SV2A: variants seen among roughly 807,000 people sequenced by gnomAD.
The protein encoded by SV2A is synaptic vesicle glycoprotein 2A, also known as solute carrier family 22 member B1.
In SV2A, 25 loss-of-function variants were observed where a neutral mutation model predicts 78.0. That is an observed-to-expected ratio of 0.32 (90% CI 0.23 to 0.45). The LOEUF (loss-of-function observed/expected upper bound fraction) is 0.45. Ranked by LOEUF, SV2A falls within the 20% of genes least tolerant of loss-of-function variation. The probability of loss-of-function intolerance (pLI) is 1.00; values close to 1 mark genes in which losing one functional copy is unlikely to be tolerated. For missense variants in SV2A, 752 were observed against 971.5 expected (o/e 0.77, Z 3.00); for synonymous variants, 355 against 384.7 (o/e 0.92, Z 0.90).
rs1280645555 is a variant in SV2A at position 149,910,062 on chromosome 1, G to C, written c.1090-172C>G. ...GGCATGCACTCACCACTCTGAAAGA[G>C]CCCCAAGCTGAGGTATAGCAAGACA... On this transcript the variant is annotated intron_variant, in intron 5 of 12. Coordinates refer to ENST00000369146, the MANE Select transcript of SV2A (RefSeq NM_014849.5). This position sits in a 1 kb window ranked among gnomAD's most constrained non-coding sequence, Gnocchi z 4.2. 6.6e-6 allele frequency among the ~76,000 whole-genome samples: 1 copy of C among 152,130 alleles called. No homozygotes were observed. The highest frequency in any genetic ancestry group is 1.9e-4 in the East Asian group (1 of 5,184).
In SV2A at chr1:149,913,241, G is replaced by A. The variant is rs782321964; in HGVS notation, c.600C>T (p.Ser200=). ...TACCTAGCATGCCTTTGTTGGAGTC[G>A]GACAGGCACATGTCTTTCTCAGCGC... is the stretch of plus-strand genomic sequence containing the variant. ...LPSAEKDMCL[S]DSNKGMLGLI... is the part of the protein sequence containing the mutation. Residue 200 remains serine (S), a synonymous_variant, in exon 2 of 13, where the codon TCC becomes TCT. Coordinates refer to ENST00000369146, the MANE Select transcript of SV2A (RefSeq NM_014849.5). The A allele has an allele frequency of 6.2e-6, 10 of 1,613,706 alleles. No homozygotes were observed. The highest frequency in any genetic ancestry group is 3.3e-5 in the South Asian group (3 of 91,080).
In SV2A at chr1:149,908,086, C is replaced by A. The variant is rs782318663; in HGVS notation, c.1500G>T (p.Thr500=). ...ERVEHVTFNF[T]LENQIHRGGQ... ...CGCCTCGGTGGATCTGATTCTCCAA[C>A]GTGAAGTTAAAAGTTACATGCTCTA... The change falls in exon 9 of 13, where the codon ACG becomes ACT. Residue 500 remains threonine (T), a synonymous_variant. Transcript: ENST00000369146. 2.5e-6 allele frequency: 4 copies of A among 1,614,116 alleles called. No homozygotes were observed. Among genetic ancestry groups the A allele is most frequent in the South Asian group, 2.2e-5 (2 of 91,082 alleles).
chr1:149,909,675 G>T, intron 6 of SV2A, 104 bp from the exon 7 acceptor site: 1 of 1,429,598 alleles, frequency 7.0e-7, no homozygotes, highest in Non-Finnish European at 9.8e-7. Context: ...GCAGGAGGTG[G>T]ATATGATACC....
intron 10 of SV2A, 196 bp from the exon 11 acceptor site, chr1:149,907,052 T>C (rs2092443187): frequency 1.1e-6 from 1 of 916,658 alleles, no homozygotes; most frequent in Non-Finnish European, 1.3e-6. Context: ...ATGACCATCA[T>C]CTGTCCAACA....
At chr1:149,907,856 GAC>G (rs2092448694) in intron 9 of SV2A, 23 bp from the exon 10 acceptor site, 4 of 1,610,914 alleles carry the variant, frequency 2.5e-6, no homozygotes. Context: ...GATGGTGAAA[GAC>G]ACTCCCCCGT....
rs2092490812 is a variant in SV2A at position 149,913,568 on chromosome 1, A to G, written c.273T>C (p.Asp91=). The G allele has an allele frequency of 6.2e-7, 1 of 1,613,470 alleles. No individual in the cohort carries two copies. The highest frequency in any genetic ancestry group is 1.3e-5 in the African/African-American group (1 of 74,698). ...CCTGATATTCCCCTTCATAGATCTC[A>G]TCATCCTCGTCATGGCCCTCAGTAG... is the stretch of plus-strand genomic sequence containing the variant. ...SDATEGHDED[D]EIYEGEYQGI... is the part of the protein sequence containing the mutation. The change falls in exon 2 of 13, where the codon GAT becomes GAC. Residue 91 remains aspartate, a synonymous_variant. Transcript: ENST00000369146.
Position 149,903,509 on chromosome 1 carries a change from T to C in SV2A, c.*1505A>G, listed in dbSNP as rs1450712106. 1 of 152,272 alleles carries C rather than the reference T, an allele frequency of 6.6e-6. No homozygotes were observed. Among genetic ancestry groups the C allele is most frequent in the Non-Finnish European group, 1.5e-5 (1 of 68,166 alleles). The allele number at this position is 152,272 out of a possible 1,614,324, so 9.4% of individuals were successfully genotyped here. A position where few individuals can be genotyped will look rare whatever the true frequency, so the allele number is the denominator to read the frequency against. On this transcript the variant is annotated 3_prime_UTR_variant, in exon 13 of 13. Transcript: ENST00000369146. ...AGGGACAAGGGCACAGGGCACACAC[T>C]CATACACTGGGCACTGGAGAAGGCA...
intron 1 of SV2A, among the ~76,000 whole-genome samples, chr1:149,914,960 G>T (rs1044944555): frequency 1.3e-5 from 2 of 152,150 alleles, no homozygotes; most frequent in Non-Finnish European, 2.9e-5. Flanking sequence ...GTCCCCAGAT[G>T]AAAGCTATCT....
Position 149,909,825 on chromosome 1 carries a change from T to G in SV2A, c.1155A>C (p.Lys385Asn). The change falls in exon 6 of 13, where the codon AAA becomes AAC. Residue 385 changes from lysine to asparagine, a missense_variant. Physicochemically the swap from Lys to Asn is moderately conservative, Grantham distance 94. This residue lies in a region of SV2A where 136 missense variants were observed against 132.3 expected (regional missense o/e 1.03). Coordinates refer to ENST00000369146, the MANE Select transcript of SV2A (RefSeq NM_014849.5). ...CTGAGAACACTCGCTCAGGATGTCCTTTGGCTCGCATGTTGGTATCATGGA... is the reference window on the plus strand; with the variant it reads ...CTGAGAACACTCGCTCAGGATGTCCGTTGGCTCGCATGTTGGTATCATGGA... ...KQVHDTNMRA[K>N]GHPERVFSVT... 6.2e-7 allele frequency: 1 copy of G among 1,614,088 alleles called. No homozygotes were observed. Among genetic ancestry groups the G allele is most frequent in the Non-Finnish European group, 8.5e-7 (1 of 1,180,018 alleles).
At chr1:149,908,971 G>A (rs1378724157) in intron 8 of SV2A, among the ~76,000 whole-genome samples, 2 of 152,232 alleles carry the variant, frequency 1.3e-5, no homozygotes, top group East Asian at 3.9e-4. Context: ...GACCACATCT[G>A]TTTCATCCCA....
chr1:149,907,807 A>G lies in SV2A; in HGVS notation c.1571T>C (p.Val524Ala), dbSNP rs782054006. 2 of 1,614,046 alleles carry G rather than the reference A, an allele frequency of 1.2e-6. No individual in the cohort carries two copies. The highest frequency in any genetic ancestry group is 1.7e-6 in the Non-Finnish European group (2 of 1,180,038). Residue 524 changes from valine to alanine, a missense_variant, in exon 10 of 13, where the codon GTG becomes GCG. Physicochemically the swap from Val to Ala is moderately conservative, Grantham distance 64. Coordinates refer to ENST00000369146, the MANE Select transcript of SV2A (RefSeq NM_014849.5). ...TTCAAACAGGGAATCCTCAAAGGAC[A>G]CTGACTTGAGCCGCAGCCCAATGAA... ...DKFIGLRLKS[V>A]SFEDSLFEEC...
chr1:149,912,420 A>C (rs1387488281), intron 2 of SV2A, among the ~76,000 whole-genome samples: 1 of 152,162 alleles, frequency 6.6e-6, no homozygotes, highest in Non-Finnish European at 1.5e-5. Flanking sequence ...TCATCTTCCC[A>C]GGAAATCTCC....
chr1:149,906,390 G>A (rs1553762762), intron 11 of SV2A, among the ~76,000 whole-genome samples: 1 of 152,104 alleles, frequency 6.6e-6, no homozygotes, highest in Non-Finnish European at 1.5e-5. Context: ...AGAGGCCAGA[G>A]GCAGGTGGTG....
At position 149,906,795 on chromosome 1, in the gene SV2A, C is replaced by T. The variant is rs267598001; in HGVS notation, c.1740G>A (p.Lys580=). 6.2e-7 allele frequency: 1 copy of T among 1,614,206 alleles called. No individual in the cohort carries two copies. The highest frequency in any genetic ancestry group is 2.2e-5 in the East Asian group (1 of 44,888). Residue 580 remains lysine, a synonymous_variant, in exon 11 of 13, where the codon AAG becomes AAA. Transcript: ENST00000369146. The part of the protein sequence containing the change: ...RLINSTFLHN[K]EGCPLDVTGT... Reference sequence around the variant, plus strand: ...CTGTCACGTCTAGCGGGCAGCCCTCCTTGTTGTGCAGGAATGTACTGTTTA... The same window carrying T: ...CTGTCACGTCTAGCGGGCAGCCCTCTTTGTTGTGCAGGAATGTACTGTTTA...
At position 149,903,622 on chromosome 1, in the gene SV2A, A is replaced by G. The variant is rs998170803; in HGVS notation, c.*1392T>C. 3 of 152,242 alleles carry G rather than the reference A, an allele frequency of 2.0e-5. No homozygotes were observed. The highest frequency in any genetic ancestry group is 7.2e-5 in the African/African-American group (3 of 41,448). The allele number at this position is 152,242 out of a possible 1,614,324, so 9.4% of individuals were successfully genotyped here. The stretch of plus-strand genomic sequence containing the variant: ...GGGAGAGTGACCACAGGGTTGGGGC[A>G]CTGGACGCAGCATGACGAAGGTGAA... On this transcript the variant is annotated 3_prime_UTR_variant, in exon 13 of 13. Transcript: ENST00000369146.
chr1:149,913,489 G>A lies in SV2A; in HGVS notation c.352C>T (p.Pro118Ser). Residue 118 changes from proline (P) to serine (S), a missense_variant, in exon 2 of 13, where the codon CCC becomes TCC. By Grantham distance (74) the Pro-to-Ser change is moderately conservative. Coordinates refer to ENST00000369146, the MANE Select transcript of SV2A (RefSeq NM_014849.5). The part of the protein sequence containing the change: ...GKGERMADGA[P>S]LAGVRGGLSD... ...AAGCCCCCCCTTACTCCAGCCAGGG[G>A]CGCCCCATCTGCCATCCGCTCGCCT... The A allele has an allele frequency of 6.2e-7, 1 of 1,613,290 alleles. No homozygotes were observed. Among genetic ancestry groups the A allele is most frequent in the Non-Finnish European group, 8.5e-7 (1 of 1,179,818 alleles).
At chr1:149,906,226 A>C (rs2092437243) in intron 11 of SV2A, among the ~76,000 whole-genome samples, 187 bp from the exon 12 acceptor site, 1 of 152,240 alleles carries the variant, frequency 6.6e-6, no homozygotes, top group African/African-American at 2.4e-5. Context: ...GTTTATTAAT[A>C]ATATCAGTAA....
At chr1:149,909,721 TG>T (rs2092463270) in intron 6 of SV2A, 79 bp downstream of exon 6, 6 of 1,487,002 alleles carry the variant, frequency 4.0e-6, no homozygotes, top group South Asian at 3.4e-5. Context: ...TGGTCTGAGG[TG>T]GGGGGTACTC....
At chr1:149,917,267 C>T (rs1171167933) in intron 1 of SV2A, among the ~76,000 whole-genome samples, 1 of 151,934 alleles carries the variant, frequency 6.6e-6, no homozygotes, top group African/African-American at 2.4e-5. Context: ...CATCCTTCAC[C>T]TGCCCTTCTT....
Sources: allele counts gnomAD v4.1 joint callset (sites outside exome capture counted in the v4.1 genomes callset), GRCh38; gene constraint gnomAD v4.1.1; regional missense constraint gnomAD v4.1.1; non-coding constraint Gnocchi (gnomAD v3.1); transcripts MANE v1.5; gene names NCBI Gene and HGNC (gene_info 2026-07-23, HGNC 2026-07-21).